The following TMBIM6 variants were observed in gnomAD, a reference collection of about 807,000 sequenced individuals.
TMBIM6 encodes transmembrane BAX inhibitor motif containing 6, also known as bax inhibitor 1.
In TMBIM6, 13 loss-of-function variants were observed where a neutral mutation model predicts 31.4. The observed-to-expected ratio is 0.41, with a 90% CI of 0.27 to 0.66. TMBIM6 has a LOEUF of 0.66. Ranked by LOEUF, TMBIM6 falls within the 30% of genes least tolerant of loss-of-function variation. TMBIM6 has a pLI of 0.28. For missense variants in TMBIM6, 275 were observed against 289.5 expected (o/e 0.95, Z 0.36); for synonymous variants, 85 against 101.7 (o/e 0.84, Z 0.99).
chr12:49,741,946 A>C (rs1223628051), intron 1 of TMBIM6: 1 of 820,750 alleles, frequency 1.2e-6, no homozygotes, highest in East Asian at 2.9e-5. Flanking sequence ...CTTCTCCTCT[A>C]CTAAGTGTAG....
chr12:49,758,846 T>C (rs1019438955), intron 7 of TMBIM6, 84 bp downstream of exon 7: 1 of 1,197,004 alleles, frequency 8.4e-7, no homozygotes, highest in African/African-American at 1.6e-5. Flanking sequence ...CACTTCTTTC[T>C]GTACTACTTT....
intron 1 of TMBIM6, among the ~76,000 whole-genome samples, chr12:49,744,160 G>A (rs1387383149): frequency 6.6e-6 from 1 of 152,114 alleles, no homozygotes; most frequent in Admixed American, 6.6e-5. Flanking sequence ...GATTGAAGGT[G>A]ATACATATAT....
chr12:49,742,104 C>T (rs372407739), intron 1 of TMBIM6: 339 of 1,601,242 alleles, frequency 2.1e-4, no homozygotes, highest in Non-Finnish European at 2.8e-4. Context: ...CGGCCCGGAG[C>T]CAAGACTCGA....
chr12:49,753,156 A>G (rs1945527301), intron 3 of TMBIM6, 75 bp downstream of exon 3: 4 of 1,129,332 alleles, frequency 3.5e-6, no homozygotes, highest in African/African-American at 1.5e-5. Flanking sequence ...AAGGTGGTCC[A>G]AGGGACCCTG....
intron 1 of TMBIM6, among the ~76,000 whole-genome samples, chr12:49,747,287 T>C (rs1207751643): frequency 6.6e-6 from 1 of 152,164 alleles, no homozygotes; most frequent in African/African-American, 2.4e-5. Context: ...TTGTTTTAAT[T>C]TTATAAAACG....
In TMBIM6 at chr12:49,757,056, G is replaced by A. The variant is rs7976021; in HGVS notation, c.287-1171G>A. On this transcript the variant is annotated intron_variant, in intron 4 of 9. Transcript: ENST00000267115. ...CCTAATTTTGTATTTTAGTAGAGAC[G>A]GGGTTTCACCATGTTGGTCAGACTG... Among the ~76,000 whole-genome samples, 705 of 152,002 alleles carry A rather than the reference G, an allele frequency of 4.6e-3. 2 individuals are homozygous for A. Among genetic ancestry groups the A allele is most frequent in the African/African-American group, 0.016 (670 of 41,478 alleles).
chr12:49,747,420 T>C (rs1390151052), intron 1 of TMBIM6, among the ~76,000 whole-genome samples: 1 of 152,044 alleles, frequency 6.6e-6, no homozygotes, highest in Non-Finnish European at 1.5e-5. Context: ...GCAATTCTCC[T>C]TCCTCAGCCT....
chr12:49,761,916 G>A, intron 9 of TMBIM6, 137 bp downstream of exon 9: 3 of 798,278 alleles, frequency 3.8e-6, no homozygotes, highest in Non-Finnish European at 5.8e-6. Context: ...TGAGTAAGAG[G>A]TAAGCCAGAA....
intron 3 of TMBIM6, among the ~76,000 whole-genome samples, chr12:49,755,317 T>C (rs918195598): frequency 3.9e-5 from 6 of 152,200 alleles, no homozygotes; most frequent in African/African-American, 1.4e-4. Context: ...CTTTAAGCAC[T>C]TGTCACGTTT....
rs762382400 is a variant in TMBIM6, at chr12:49,759,292, G to A, written c.585G>A (p.Lys195=). ...TTGATACTCAACTCATTATTGAAAA[G>A]GCCGAACATGGAGATCAAGATTATA... ...VLFDTQLIIE[K]AEHGDQDYIW... The change falls in exon 8 of 10, where the codon AAG becomes AAA. Residue 195 remains lysine (K), a synonymous_variant. Transcript: ENST00000267115. 1.9e-6 allele frequency: 3 copies of A among 1,614,080 alleles called. No individual in the cohort carries two copies. Among genetic ancestry groups the A allele is most frequent in the Non-Finnish European group, 2.5e-6 (3 of 1,179,984 alleles).
chr12:49,754,929 G>A (rs1344430856), intron 3 of TMBIM6, among the ~76,000 whole-genome samples: 1 of 152,016 alleles, frequency 6.6e-6, no homozygotes, highest in East Asian at 1.9e-4. Flanking sequence ...ATGTGTCTTG[G>A]TGTTTTGGTG....
chr12:49,758,375 T>C lies in TMBIM6; in HGVS notation c.336-8T>C. ...AGCCCTTAATCTAATGGTCTTTTTT[T>C]CTAACAGCATCCTTCCCACTGCTTT... is the stretch of plus-strand genomic sequence containing the variant. On this transcript the variant is annotated splice_region_variant and splice_polypyrimidine_tract_variant and intron_variant, in intron 5 of 9. Transcript: ENST00000267115. 2.5e-6 allele frequency: 4 copies of C among 1,614,182 alleles called. No individual in the cohort carries two copies. The highest frequency in any genetic ancestry group is 2.5e-6 in the Non-Finnish European group (3 of 1,179,998).
chr12:49,763,972 C>T lies in TMBIM6; in HGVS notation c.*1076C>T, dbSNP rs550713077. 19 of 152,340 alleles carry T rather than the reference C, an allele frequency of 1.2e-4. No homozygotes were observed. The highest frequency in any genetic ancestry group is 1.2e-3 in the Admixed American group (18 of 15,294). The allele number at this position is 152,340 out of a possible 1,614,324, so 9.4% of individuals were successfully genotyped here. A position where few individuals can be genotyped will look rare whatever the true frequency, so the allele number is the denominator to read the frequency against. On this transcript the variant is annotated 3_prime_UTR_variant, in exon 10 of 10. Coordinates refer to ENST00000267115, the MANE Select transcript of TMBIM6 (RefSeq NM_003217.3). The stretch of plus-strand genomic sequence containing the variant: ...AGTCCTTCAGTGCATTTTAGTCTGT[C>T]TCCAACTGGACACCAGTAGGTAGTG...
intron 1 of TMBIM6, among the ~76,000 whole-genome samples, chr12:49,747,721 C>T (rs924655938): frequency 2.6e-5 from 4 of 152,072 alleles, no homozygotes; most frequent in South Asian, 2.1e-4. Flanking sequence ...CTTTGACTTG[C>T]TGTTTTAATG....
rs1945310708 is a variant in TMBIM6 at position 49,742,252 on chromosome 12, C to G, written c.-31+641C>G. The G allele has an allele frequency of 6.2e-7, 1 of 1,608,570 alleles. No individual in the cohort carries two copies. Among genetic ancestry groups the G allele is most frequent in the Non-Finnish European group, 8.5e-7 (1 of 1,177,694 alleles). Reference sequence around the variant, plus strand: ...CTTCCAGGCCCACGGGGCGGCCCCGCTCTTTTCGGATTGGTTACCTTTGGG... The same window carrying G: ...CTTCCAGGCCCACGGGGCGGCCCCGGTCTTTTCGGATTGGTTACCTTTGGG... On this transcript the variant is annotated intron_variant, in intron 1 of 9. Coordinates refer to ENST00000267115, the MANE Select transcript of TMBIM6 (RefSeq NM_003217.3).
chr12:49,760,165 A>T (rs1417622762), intron 8 of TMBIM6, among the ~76,000 whole-genome samples: 1 of 151,374 alleles, frequency 6.6e-6, no homozygotes, highest in Non-Finnish European at 1.5e-5. Context: ...ACATATCCAT[A>T]GTGGCTACCT....
At chr12:49,746,078 CTCTT>C (rs995389054) in intron 1 of TMBIM6, among the ~76,000 whole-genome samples, 3 of 150,250 alleles carry the variant, frequency 2.0e-5, no homozygotes, top group East Asian at 2.0e-4. Context: ...TTTCTTTTCT[CTCTT>C]TTTTTTTTTT....
chr12:49,751,803 G>T (rs373494407), intron 1 of TMBIM6, among the ~76,000 whole-genome samples: 83 of 110,268 alleles, frequency 7.5e-4, no homozygotes, highest in African/African-American at 2.9e-3. Context: ...TTGCCCTGTT[G>T]CCCAGGCTGG....
At chr12:49,742,251 G>A (rs1013034300) in intron 1 of TMBIM6, 19 of 1,608,278 alleles carry the variant, frequency 1.2e-5, no homozygotes, top group Non-Finnish European at 1.4e-5. Context: ...GGGCGGCCCC[G>A]CTCTTTTCGG....
Sources: gnomAD v4.1 joint callset for allele counts (sites outside exome capture counted in the v4.1 genomes callset) on GRCh38, gnomAD v4.1.1 for gene constraint, MANE v1.5 for transcripts, NCBI Gene and HGNC (gene_info 2026-07-23, HGNC 2026-07-21) for gene names.